Variants in TTLL6 observed in about 807,000 individuals in gnomAD.
TTLL6 encodes the protein tubulin tyrosine ligase like 6.
A neutral mutation model predicts 96.4 loss-of-function variants in TTLL6; 75 were observed. The ratio of observed to expected loss-of-function variants is 0.78; its 90% CI spans 0.65 to 0.94. The LOEUF (loss-of-function observed/expected upper bound fraction) is 0.94, where lower values mean the gene tolerates loss of function less well. Among genes scored for constraint, TTLL6 ranks in the 40% least tolerant of loss-of-function variants. The pLI, the probability that TTLL6 is intolerant of heterozygous loss-of-function variation, is 0.00. For synonymous variants in TTLL6, 411 were observed against 419.4 expected (o/e 0.98, Z 0.24); for missense variants, 1,030 against 1,093.0 (o/e 0.94, Z 0.81).
chr17:48,786,228 C>A lies in TTLL6; in HGVS notation c.1697G>T (p.Gly566Val). ...ESAGEQVRKK[G>V]MRGWQQKQQQ... is the part of the protein sequence containing the mutation. ...TTGTTTCTGTTGCCAGCCCCTCATG[C>A]CCTTCTTTCTCACTTGCTCGCCTGC... Residue 566 changes from glycine (G) to valine (V), a missense_variant, in exon 12 of 16, where the codon GGC (glycine) becomes GTC (valine). Gly to Val is a moderately radical substitution (Grantham distance 109, BLOSUM62 -3). Transcript: ENST00000393382. The A allele has an allele frequency of 6.2e-7, 1 of 1,614,208 alleles. No homozygotes were observed. Among genetic ancestry groups the A allele is most frequent in the South Asian group, 1.1e-5 (1 of 91,084 alleles).
chr17:48,809,569 A>G (rs1383372550), intron 1 of TTLL6, among the ~76,000 whole-genome samples: 1 of 152,154 alleles, frequency 6.6e-6, no homozygotes, highest in Non-Finnish European at 1.5e-5. Context: ...TGTCTGCCTC[A>G]AAGAGTAAGC....
intron 13 of TTLL6, among the ~76,000 whole-genome samples, chr17:48,774,443 C>T (rs910638391): frequency 2.0e-5 from 3 of 151,270 alleles, no homozygotes; most frequent in Non-Finnish European, 4.4e-5. Context: ...GGATTACAGG[C>T]GTGAGCCACT....
At chr17:48,795,304 G>A (rs1456684436) in intron 8 of TTLL6, among the ~76,000 whole-genome samples, 16 of 146,720 alleles carry the variant, frequency 1.1e-4, no homozygotes, top group African/African-American at 1.5e-4. Context: ...CCAGCCTGGC[G>A]ACAGAGCAAG....
chr17:48,794,267 G>T (rs774289922), intron 8 of TTLL6: 1 of 1,613,928 alleles, frequency 6.2e-7, no homozygotes, highest in South Asian at 1.1e-5. Context: ...TGCTGTTGGG[G>T]TGCCAATTCT....
At chr17:48,802,126 G>C (rs1039169491) in intron 3 of TTLL6, among the ~76,000 whole-genome samples, 10 of 112,662 alleles carry the variant, frequency 8.9e-5, no homozygotes, top group African/African-American at 2.8e-4. Flanking sequence ...AAGAAAGAAA[G>C]AAAGAAAGAA....
chr17:48,790,129 T>C (rs2039192123), intron 9 of TTLL6, 23 bp from the exon 10 acceptor site: 14 of 1,610,816 alleles, frequency 8.7e-6, no homozygotes, highest in Non-Finnish European at 1.2e-5. Context: ...GATTGGCAGC[T>C]GGTGACAAAG....
intron 5 of TTLL6, 66 bp downstream of exon 5, chr17:48,801,188 CG>C (rs1567732532): frequency 1.4e-6 from 2 of 1,450,862 alleles, no homozygotes; most frequent in Non-Finnish European, 1.9e-6. Context: ...ACCAGGGAAT[CG>C]GGGGCAAGAG....
intron 3 of TTLL6, 63 bp downstream of exon 3, chr17:48,803,828 T>A: frequency 6.6e-7 from 1 of 1,524,828 alleles, no homozygotes; most frequent in Non-Finnish European, 8.9e-7. Context: ...GAGTGACTCT[T>A]CCCAACCCTT....
rs773491357 is a variant in TTLL6 at position 48,785,052 on chromosome 17, C to T, written c.1911G>A (p.Lys637=). ...TCAGATCGGGTAGAGAACTGAAGGG[C>T]TTCGCAGACGTCAGCTTGGGGAAAA... The part of the protein sequence containing the change: ...SSVFPKLTSA[K]PFSSLPDLRN... Residue 637 remains lysine, a synonymous_variant, in exon 13 of 16, where the codon AAG becomes AAA. Transcript: ENST00000393382. 3 of 1,614,128 alleles carry T rather than the reference C, an allele frequency of 1.9e-6. No individual in the cohort carries two copies. The highest frequency in any genetic ancestry group is 2.5e-6 in the Non-Finnish European group (3 of 1,179,992).
Position 48,769,297 on chromosome 17 carries a change from G to T in TTLL6, c.2411-43C>A, listed in dbSNP as rs372814193. The T allele has an allele frequency of 2.3e-5, 36 of 1,544,082 alleles. No individual in the cohort carries two copies. The African/African-American group carries it at 3.8e-4, about 16-fold the overall frequency. On this transcript the variant is annotated intron_variant, in intron 14 of 15. Coordinates refer to ENST00000393382, the MANE Select transcript of TTLL6 (RefSeq NM_001130918.3). ...GAAGCATCAGCGATTTGTGCTGCTGGATTCAGCACAAATTCCTGGTGAAGA... is the reference window on the plus strand; with the variant it reads ...GAAGCATCAGCGATTTGTGCTGCTGTATTCAGCACAAATTCCTGGTGAAGA...
intron 6 of TTLL6, 77 bp downstream of exon 6, chr17:48,799,527 A>G: frequency 1.4e-6 from 2 of 1,432,728 alleles, no homozygotes; most frequent in Non-Finnish European, 1.9e-6. Flanking sequence ...CCATCCCCTC[A>G]TTTCACATTC....
At chr17:48,791,269 T>C (rs913299043) in intron 9 of TTLL6, 109 bp downstream of exon 9, 15 of 924,400 alleles carry the variant, frequency 1.6e-5, no homozygotes, top group Non-Finnish European at 2.5e-5. Context: ...TGGGAGGAAG[T>C]GGCCTGGGAA....
At chr17:48,774,096 CAA>C (rs1286139436) in intron 13 of TTLL6, among the ~76,000 whole-genome samples, 2 of 44,242 alleles carry the variant, frequency 4.5e-5, no homozygotes, top group African/African-American at 7.8e-5. Context: ...AAAAACAAAA[CAA>C]AAAAAAAAAA....
In TTLL6 at chr17:48,796,086, G is replaced by A. The variant is rs1369515508; in HGVS notation, c.973C>T (p.Arg325Ter). The change falls in exon 8 of 16, where the codon CGA (arginine) becomes TGA (stop). Residue 325 changes from arginine (R) to a stop codon, truncating the protein, a stop_gained. Coordinates refer to ENST00000393382, the MANE Select transcript of TTLL6 (RefSeq NM_001130918.3). LOFTEE classifies it high-confidence loss of function. ...CTCTTACTGCCAGAGTGTGCATCTC[G>A]ACTGAAATTTGAACTGTGCTTATTA... ...SINKHSSNFS[R>*]DAHSGSKRKL... The A allele has an allele frequency of 4.5e-6, 7 of 1,551,362 alleles. No homozygotes were observed. The highest frequency in any genetic ancestry group is 2.4e-5 in the East Asian group (1 of 40,910).
At chr17:48,789,458 C>T (rs2039173642) in intron 10 of TTLL6, among the ~76,000 whole-genome samples, 1 of 152,168 alleles carries the variant, frequency 6.6e-6, no homozygotes, top group Non-Finnish European at 1.5e-5. Context: ...TATCATAGCT[C>T]CATTTCATAG....
At chr17:48,797,780 T>G (rs1325007625) in intron 6 of TTLL6, among the ~76,000 whole-genome samples, 1 of 50,624 alleles carries the variant, frequency 2.0e-5, no homozygotes, top group Non-Finnish European at 3.6e-5. Flanking sequence ...AGAGCAAAAC[T>G]CCATCTCAAA....
chr17:48,812,821 G>C (rs2039614791), intron 1 of TTLL6, among the ~76,000 whole-genome samples: 1 of 152,168 alleles, frequency 6.6e-6, no homozygotes, highest in Non-Finnish European at 1.5e-5. Context: ...ATTTTCCTTA[G>C]CTATATAACA....
At chr17:48,795,182 G>A (rs572186304) in intron 8 of TTLL6, among the ~76,000 whole-genome samples, 7 of 152,006 alleles carry the variant, frequency 4.6e-5, no homozygotes, top group African/African-American at 1.2e-4. Context: ...AAAACTTAGC[G>A]GAGTGTGGTG....
At chr17:48,801,413 A>G in intron 4 of TTLL6, 28 bp from the exon 5 acceptor site, 2 of 1,551,610 alleles carry the variant, frequency 1.3e-6, no homozygotes, top group Non-Finnish European at 1.7e-6. Context: ...ATTCATGAGC[A>G]ATCGAGGGAC....
Sources: gnomAD v4.1 joint callset for allele counts (sites outside exome capture counted in the v4.1 genomes callset) on GRCh38, gnomAD v4.1.1 for gene constraint, MANE v1.5 for transcripts, NCBI Gene and HGNC (gene_info 2026-07-23, HGNC 2026-07-21) for gene names.